Variants in RGS7BP observed in about 807,000 individuals in gnomAD.
The protein encoded by RGS7BP is regulator of G protein signaling 7 binding protein, also known as regulator of G protein signaling 7-binding protein.
RGS7BP carries 9 observed loss-of-function variants against 31.3 expected under a neutral mutation model. The ratio of observed to expected loss-of-function variants is 0.29; its 90% confidence interval spans 0.17 to 0.50. The LOEUF (loss-of-function observed/expected upper bound fraction) is 0.50. RGS7BP is among the 20% of genes least tolerant of loss of function. RGS7BP has a pLI of 0.98. For missense variants in RGS7BP, 274 were observed against 322.0 expected, an observed-to-expected ratio of 0.85 and a Z score of 1.14; for synonymous variants, 115 against 120.1, an observed-to-expected ratio of 0.96 and a Z score of 0.28.
At position 64,603,822 on chromosome 5, in the gene RGS7BP, G is replaced by A. The variant is rs1451253471; in HGVS notation, c.683-5339G>A. On this transcript the variant is annotated intron_variant, in intron 5 of 5. Coordinates refer to ENST00000334025, the MANE Select transcript of RGS7BP (RefSeq NM_001029875.3). Reference sequence around the variant, plus strand: ...TTTTATAAAGAGTTGCTTACAGAGCGGTGGGAAGATGGGATTGGATGCAGA... The same window carrying A: ...TTTTATAAAGAGTTGCTTACAGAGCAGTGGGAAGATGGGATTGGATGCAGA... Among the ~76,000 whole-genome samples the A allele has an allele frequency of 2.6e-5, 4 of 152,134 alleles. 1 individual carries two copies. Among genetic ancestry groups the A allele is most frequent in the South Asian group, 4.1e-4 (2 of 4,824 alleles).
chr5:64,513,830 G>A (rs891365858), intron 2 of RGS7BP, among the ~76,000 whole-genome samples: 1 of 152,220 alleles, frequency 6.6e-6, no homozygotes, highest in African/African-American at 2.4e-5. Flanking sequence ...AATAGTGAAA[G>A]GCAAGTTATG....
At chr5:64,534,736 A>G (rs752943339) in intron 2 of RGS7BP, among the ~76,000 whole-genome samples, 1 of 152,228 alleles carries the variant, frequency 6.6e-6, no homozygotes, top group Non-Finnish European at 1.5e-5. Context: ...ATTAAAAGAT[A>G]ATGTCCATTA....
chr5:64,598,485 AC>A (rs1743135048), intron 5 of RGS7BP, 50 bp downstream of exon 5: 1 of 1,115,938 alleles, frequency 9.0e-7, no homozygotes, highest in African/African-American at 1.5e-5. Context: ...TAATGGGATA[AC>A]CTTGGGAATT....
chr5:64,530,044 T>C (rs913997548), intron 2 of RGS7BP, among the ~76,000 whole-genome samples: 2 of 152,250 alleles, frequency 1.3e-5, no homozygotes, highest in Non-Finnish European at 1.5e-5. Flanking sequence ...GAAGCCAAAG[T>C]GTTCAGATGG....
intron 3 of RGS7BP, among the ~76,000 whole-genome samples, chr5:64,578,262 C>T (rs1457814929): frequency 6.6e-6 from 1 of 152,164 alleles, no homozygotes; most frequent in Non-Finnish European, 1.5e-5. Flanking sequence ...AACTGCTGCC[C>T]CCTGCTCTAG....
At chr5:64,516,614 C>G (rs1318607058) in intron 2 of RGS7BP, among the ~76,000 whole-genome samples, 1 of 152,192 alleles carries the variant, frequency 6.6e-6, no homozygotes, top group Admixed American at 6.5e-5. Context: ...AAATTTGAAA[C>G]TAGATTTCCT....
intron 2 of RGS7BP, among the ~76,000 whole-genome samples, chr5:64,565,070 A>G (rs1742137975): frequency 6.6e-6 from 1 of 152,128 alleles, no homozygotes; most frequent in Non-Finnish European, 1.5e-5. Context: ...ATGAGTAAAG[A>G]AGAAACTTGG....
intron 2 of RGS7BP, among the ~76,000 whole-genome samples, chr5:64,556,812 TA>T (rs879858793): frequency 2.2e-3 from 311 of 144,422 alleles, no homozygotes; most frequent in Middle Eastern, 3.6e-3. Flanking sequence ...GTGCTTGACC[TA>T]AAAAAAAAAA....
At chr5:64,542,859 CTCTT>C (rs1182710196) in intron 2 of RGS7BP, among the ~76,000 whole-genome samples, 3 of 152,324 alleles carry the variant, frequency 2.0e-5, no homozygotes, top group Admixed American at 2.0e-4. Flanking sequence ...TGATGCTTGT[CTCTT>C]TTATATGCAC....
At chr5:64,590,097 A>G (rs1742870741) in intron 3 of RGS7BP, among the ~76,000 whole-genome samples, 1 of 152,052 alleles carries the variant, frequency 6.6e-6, no homozygotes, top group Admixed American at 6.6e-5. Context: ...ATATTTAATC[A>G]AAGTTAAAAA....
intron 2 of RGS7BP, among the ~76,000 whole-genome samples, chr5:64,514,070 G>C (rs1323375468): frequency 6.6e-6 from 1 of 152,152 alleles, no homozygotes; most frequent in Non-Finnish European, 1.5e-5. Flanking sequence ...TCTAGCTTCT[G>C]GTGGCTTGCT....
At chr5:64,521,149 G>A (rs1381042947) in intron 2 of RGS7BP, among the ~76,000 whole-genome samples, 1 of 152,144 alleles carries the variant, frequency 6.6e-6, no homozygotes, top group Non-Finnish European at 1.5e-5. Context: ...TATTCCCTTA[G>A]TGGGTCTAAT....
At chr5:64,576,198 G>C (rs1742426077) in intron 3 of RGS7BP, among the ~76,000 whole-genome samples, 1 of 152,204 alleles carries the variant, frequency 6.6e-6, no homozygotes, top group Non-Finnish European at 1.5e-5. Context: ...AGCAAGGTAT[G>C]TAGTGATTTC....
At chr5:64,544,577 G>C (rs764871088) in intron 2 of RGS7BP, among the ~76,000 whole-genome samples, 46 of 151,962 alleles carry the variant, frequency 3.0e-4, no homozygotes, top group Non-Finnish European at 5.4e-4. Flanking sequence ...GGGAAGCTGA[G>C]GCAGGAGGGT....
At chr5:64,522,265 T>A (rs1749124451) in intron 2 of RGS7BP, among the ~76,000 whole-genome samples, 1 of 152,206 alleles carries the variant, frequency 6.6e-6, no homozygotes, top group South Asian at 2.1e-4. Context: ...CTCCCCAAGT[T>A]GGGTCAGTTC....
chr5:64,567,000 A>C (rs1742186285), intron 2 of RGS7BP, among the ~76,000 whole-genome samples: 1 of 151,312 alleles, frequency 6.6e-6, no homozygotes, highest in Non-Finnish European at 1.5e-5. Flanking sequence ...CCTACTGAGA[A>C]CAGATACACT....
At chr5:64,538,247 T>C (rs1345967140) in intron 2 of RGS7BP, among the ~76,000 whole-genome samples, 1 of 152,098 alleles carries the variant, frequency 6.6e-6, no homozygotes, top group Non-Finnish European at 1.5e-5. Flanking sequence ...TTGTTGTACA[T>C]TTCTATGAGT....
At position 64,551,403 on chromosome 5, in the gene RGS7BP, C is replaced by A. The variant is rs112671863; in HGVS notation, c.333-24371C>A. ...TCAGCCTCCCGAGTGGCTGGGATTA[C>A]AGATGTGTGCCATGACGCCTGCTTA... is the stretch of plus-strand genomic sequence containing the variant. On this transcript the variant is annotated intron_variant, in intron 2 of 5. Coordinates refer to ENST00000334025, the MANE Select transcript of RGS7BP (RefSeq NM_001029875.3). 1.5e-3 allele frequency among the ~76,000 whole-genome samples: 220 copies of A among 151,612 alleles called. 6 individuals carry two copies. The highest frequency in any genetic ancestry group is 5.0e-3 in the African/African-American group (207 of 41,100).
rs112816220 is a variant in RGS7BP, at chr5:64,602,474, G to C, written c.682+4039G>C. ...CTCACTATCTACTGAAGGAAGAACA[G>C]ACCTCTCACCCCAGCAGCCTTTGTC... On this transcript the variant is annotated intron_variant, in intron 5 of 5. Coordinates refer to ENST00000334025, the MANE Select transcript of RGS7BP (RefSeq NM_001029875.3). Among the ~76,000 whole-genome samples the C allele has an allele frequency of 6.0e-3, 915 of 152,284 alleles. 8 individuals are homozygous for C. The highest frequency in any genetic ancestry group is 0.021 in the African/African-American group (862 of 41,562).
Sources: gnomAD v4.1 joint callset for allele counts (sites outside exome capture counted in the v4.1 genomes callset) on GRCh38, gnomAD v4.1.1 for gene constraint, MANE v1.5 for transcripts, NCBI Gene and HGNC (gene_info 2026-07-23, HGNC 2026-07-21) for gene names.